The following SYF2 variants were observed in gnomAD, a reference collection of about 807,000 sequenced individuals.
The protein encoded by SYF2 is SYF2 pre-mRNA splicing factor, also known as pre-mRNA-splicing factor SYF2.
In SYF2, 21 loss-of-function variants were observed where a neutral mutation model predicts 32.7. The observed-to-expected ratio is 0.64, with a 90% CI of 0.45 to 0.92. The LOEUF (loss-of-function observed/expected upper bound fraction) is 0.92, where lower values mean the gene tolerates loss of function less well. Ranked by LOEUF, SYF2 falls within the 40% of genes least tolerant of loss-of-function variation. The pLI, the probability that SYF2 is intolerant of heterozygous loss-of-function variation, is 0.00. For synonymous variants in SYF2, 114 were observed against 103.9 expected, an observed-to-expected ratio of 1.10 and a Z score of -0.59; for missense variants, 278 against 296.5, an observed-to-expected ratio of 0.94 and a Z score of 0.46.
chr1:25,225,744 G>C (rs1329896192), intron 5 of SYF2, among the ~76,000 whole-genome samples: 1 of 151,080 alleles, frequency 6.6e-6, no homozygotes, highest in Admixed American at 6.6e-5. Context: ...TGTAATCCCA[G>C]CTACTTGGGA....
At chr1:25,224,797 T>C (rs1638473625) in intron 6 of SYF2, among the ~76,000 whole-genome samples, 1 of 152,204 alleles carries the variant, frequency 6.6e-6, no homozygotes, top group Non-Finnish European at 1.5e-5. Flanking sequence ...ATCAACATTC[T>C]TCATCTCCAT....
In SYF2 at chr1:25,229,129, A is replaced by C. The variant is rs999372563; in HGVS notation, c.133-6T>G. On this transcript the variant is annotated splice_region_variant and splice_polypyrimidine_tract_variant and intron_variant, in intron 2 of 6. Transcript: ENST00000236273. ...TTTAATTTACGAGCTTCATTCTAAAACCGTAACACAAGAAGTCTGTCAGCT... is the reference window on the plus strand; with the variant it reads ...TTTAATTTACGAGCTTCATTCTAAACCCGTAACACAAGAAGTCTGTCAGCT... 6.2e-7 allele frequency: 1 copy of C among 1,609,092 alleles called. No homozygotes were observed. The highest frequency in any genetic ancestry group is 8.5e-7 in the Non-Finnish European group (1 of 1,178,706).
intron 5 of SYF2, among the ~76,000 whole-genome samples, chr1:25,227,004 C>T (rs532746888): frequency 3.3e-5 from 5 of 151,868 alleles, no homozygotes; most frequent in African/African-American, 9.7e-5. Context: ...AAGGAAGGGC[C>T]GGGCGCAGTA....
chr1:25,226,979 T>C (rs753924741), intron 5 of SYF2, among the ~76,000 whole-genome samples: 2 of 150,046 alleles, frequency 1.3e-5, no homozygotes, highest in Admixed American at 1.3e-4. Context: ...AGACACCGTC[T>C]CTTAAAAAAA....
chr1:25,225,009 C>A lies in SYF2; in HGVS notation c.559G>T (p.Glu187Ter). 6.2e-7 allele frequency: 1 copy of A among 1,612,130 alleles called. No homozygotes were observed. Among genetic ancestry groups the A allele is most frequent in the Non-Finnish European group, 8.5e-7 (1 of 1,178,240 alleles). The change falls in exon 6 of 7, where the codon GAA (glutamate) becomes TAA (stop). Residue 187 changes from glutamate to a stop codon, truncating the protein, a stop_gained. Coordinates refer to ENST00000236273, the MANE Select transcript of SYF2 (RefSeq NM_015484.5). LOFTEE classifies it high-confidence loss of function. The part of the protein sequence containing the change: ...EEIDRMVIDL[E>*]KQIEKRDKYS... ...GCTCTACTGAATACTTACTGTTTTT[C>A]CAGATCTATGACCATCCTGTCAATT...
chr1:25,232,279 C>G, intron 1 of SYF2, 68 bp from the exon 2 acceptor site: 1 of 1,576,480 alleles, frequency 6.3e-7, no homozygotes, highest in Non-Finnish European at 8.6e-7. Context: ...CAGGCCGAGT[C>G]CCCGCCGGTC....
At chr1:25,224,931 A>G in intron 6 of SYF2, 71 bp downstream of exon 6, 1 of 1,055,996 alleles carries the variant, frequency 9.5e-7, no homozygotes, top group Non-Finnish European at 1.5e-6. Context: ...CACGTCAGAT[A>G]TAGGTGCATA....
chr1:25,227,464 A>G lies in SYF2; in HGVS notation c.445T>C (p.Tyr149His), dbSNP rs372950087. The G allele has an allele frequency of 5.9e-5, 95 of 1,613,616 alleles. No individual in the cohort carries two copies. Among genetic ancestry groups the G allele is most frequent in the Non-Finnish European group, 7.9e-5 (93 of 1,179,906 alleles). Residue 149 changes from tyrosine (Y) to histidine (H), a missense_variant, in exon 5 of 7, where the codon TAT (tyrosine) becomes CAT (histidine). Tyr to His is a moderately conservative substitution (Grantham distance 83, BLOSUM62 2). Transcript: ENST00000236273. Reference protein sequence around the residue: ...TKQIKPDMETYERLREKHGEE... With the variant: ...TKQIKPDMETHERLREKHGEE... ...TACTGTTTTTCTCTCAGTCTCTCAT[A>G]TGTTTCCATGTCAGGTTTGATCTGC...
intron 4 of SYF2, 88 bp from the exon 5 acceptor site, chr1:25,227,620 G>C (rs1040774844): frequency 8.4e-7 from 1 of 1,194,752 alleles, no homozygotes; most frequent in Non-Finnish European, 1.2e-6. Flanking sequence ...TCACAGGTGA[G>C]TATCTTTTAT....
chr1:25,231,439 C>CT (rs1232363352), intron 2 of SYF2: 1 of 152,358 alleles, frequency 6.6e-6, no homozygotes. Context: ...ATCTCTTTCT[C>CT]TAACTCCTTT....
chr1:25,227,801 T>C (rs1403500728), intron 4 of SYF2, among the ~76,000 whole-genome samples: 4 of 152,194 alleles, frequency 2.6e-5, no homozygotes, highest in African/African-American at 9.7e-5. Context: ...GATTTCAGAT[T>C]TTCATACTAG....
chr1:25,232,405 C>T, intron 1 of SYF2, 39 bp downstream of exon 1: 1 of 1,614,230 alleles, frequency 6.2e-7, no homozygotes, highest in Admixed American at 1.7e-5. Context: ...CCGGAACCCT[C>T]ACCAACAAAA....
At chr1:25,227,234 G>A (rs1452231794) in intron 5 of SYF2, among the ~76,000 whole-genome samples, 1 of 152,118 alleles carries the variant, frequency 6.6e-6, no homozygotes, top group Non-Finnish European at 1.5e-5. Flanking sequence ...AGTGAGCTGA[G>A]ACCGCACCAT....
chr1:25,224,935 G>T, intron 6 of SYF2, 67 bp downstream of exon 6: 1 of 1,072,572 alleles, frequency 9.3e-7, no homozygotes, highest in Non-Finnish European at 1.5e-6. Flanking sequence ...TCAGATATAG[G>T]TGCATATTCT....
intron 6 of SYF2, 137 bp downstream of exon 6, chr1:25,224,865 G>T: frequency 1.5e-6 from 1 of 662,814 alleles, no homozygotes; most frequent in Admixed American, 2.6e-5. Context: ...ACTATAGACA[G>T]GTCAAAAATT....
intron 1 of SYF2, 111 bp from the exon 2 acceptor site, chr1:25,232,322 A>C: frequency 6.3e-7 from 1 of 1,589,612 alleles, no homozygotes; most frequent in Non-Finnish European, 8.6e-7. Flanking sequence ...TCCACCGCCG[A>C]CTTGACCCCA....
At chr1:25,229,513 G>A (rs994428437) in intron 2 of SYF2, among the ~76,000 whole-genome samples, 1 of 152,180 alleles carries the variant, frequency 6.6e-6, no homozygotes, top group Non-Finnish European at 1.5e-5. Flanking sequence ...AGTGGATCAC[G>A]CTTGTAATCC....
intron 2 of SYF2, among the ~76,000 whole-genome samples, chr1:25,230,046 G>A (rs2124513281): frequency 6.6e-6 from 1 of 152,198 alleles, no homozygotes; most frequent in East Asian, 1.9e-4. Flanking sequence ...TCAAACTCCT[G>A]GCCTCAAGTG....
At chr1:25,231,906 AAC>A (rs2124514667) in intron 2 of SYF2, 196 bp downstream of exon 2, 2 of 663,570 alleles carry the variant, frequency 3.0e-6, no homozygotes, top group South Asian at 1.7e-5. Context: ...GGCTGGAGTG[AAC>A]AGTTATATTT....
Sources: allele counts gnomAD v4.1 joint callset (sites outside exome capture counted in the v4.1 genomes callset), GRCh38; gene constraint gnomAD v4.1.1; transcripts MANE v1.5; gene names NCBI Gene and HGNC (gene_info 2026-07-23, HGNC 2026-07-21).